Variants in TRHDE observed in about 807,000 individuals in gnomAD.
The protein encoded by TRHDE is thyrotropin releasing hormone degrading enzyme.
A neutral mutation model predicts 125.7 loss-of-function variants in TRHDE; 72 were observed. That is an observed-to-expected ratio of 0.57 (90% CI 0.47 to 0.70). The LOEUF is 0.70. Ranked by LOEUF, TRHDE falls within the 30% of genes least tolerant of loss-of-function variation. The pLI, the probability that TRHDE is intolerant of heterozygous loss-of-function variation, is 0.00. For synonymous variants in TRHDE, 509 were observed against 509.1 expected, an observed-to-expected ratio of 1.00 and a Z score of 0.00; for missense variants, 1,110 against 1,327.1, an observed-to-expected ratio of 0.84 and a Z score of 2.54.
chr12:72,484,861 C>T (rs1242395232), intron 5 of TRHDE, among the ~76,000 whole-genome samples: 1 of 152,116 alleles, frequency 6.6e-6, no homozygotes, highest in Non-Finnish European at 1.5e-5. Context: ...GAAATAACTA[C>T]ATTTTGACCA....
intron 3 of TRHDE, among the ~76,000 whole-genome samples, chr12:72,411,310 A>G (rs188799484): frequency 3.7e-4 from 57 of 152,188 alleles, no homozygotes; most frequent in African/African-American, 1.3e-3. Context: ...AGAATTCAAT[A>G]AGGTGCATAT....
intron 3 of TRHDE, among the ~76,000 whole-genome samples, chr12:72,441,972 A>G (rs1207663020): frequency 1.3e-5 from 2 of 151,852 alleles, no homozygotes; most frequent in Non-Finnish European, 2.9e-5. Context: ...ACACTAAGCA[A>G]AAGGCTGAGT....
At chr12:72,574,994 T>C (rs1435862392) in intron 10 of TRHDE, among the ~76,000 whole-genome samples, 9 of 152,108 alleles carry the variant, frequency 5.9e-5, no homozygotes, top group African/African-American at 2.2e-4. Flanking sequence ...AAGAAAATTA[T>C]GTATAAGTAA....
At chr12:72,133,022 G>A (rs1375575070) in intron 2 of TRHDE, among the ~76,000 whole-genome samples, 2 of 152,156 alleles carry the variant, frequency 1.3e-5, no homozygotes, top group Non-Finnish European at 2.9e-5. Context: ...GTGGAGGCAG[G>A]GGAAGTGGTG....
At chr12:72,183,394 C>T (rs1005209999) in intron 2 of TRHDE, among the ~76,000 whole-genome samples, 3 of 152,144 alleles carry the variant, frequency 2.0e-5, no homozygotes, top group East Asian at 1.9e-4. Flanking sequence ...AATCTTCTCT[C>T]GAACACTAGT....
At chr12:72,484,031 T>A (rs1877296216) in intron 5 of TRHDE, among the ~76,000 whole-genome samples, 1 of 152,106 alleles carries the variant, frequency 6.6e-6, no homozygotes, top group African/African-American at 2.4e-5. Flanking sequence ...TAGCTCATCC[T>A]TGGAATTATT....
intron 2 of TRHDE, among the ~76,000 whole-genome samples, chr12:72,301,970 T>C (rs1400956504): frequency 6.6e-6 from 1 of 152,214 alleles, no homozygotes; most frequent in East Asian, 1.9e-4. Context: ...TCTCCCAGCA[T>C]AGTGCTACAG....
intron 2 of TRHDE, among the ~76,000 whole-genome samples, chr12:72,119,650 A>G (rs1875529742): frequency 1.3e-5 from 2 of 152,202 alleles, no homozygotes; most frequent in African/African-American, 4.8e-5. Context: ...TCTAGCTATT[A>G]TTGTATTGGG....
chr12:72,470,108 T>A (rs553537549), intron 4 of TRHDE, among the ~76,000 whole-genome samples, 196 bp downstream of exon 4: 27 of 152,330 alleles, frequency 1.8e-4, no homozygotes, highest in African/African-American at 5.3e-4. Context: ...CTGATCGTAT[T>A]GAGTAAGCAA....
chr12:72,497,233 C>A (rs1877959240), intron 5 of TRHDE, among the ~76,000 whole-genome samples: 1 of 152,036 alleles, frequency 6.6e-6, no homozygotes, highest in Admixed American at 6.6e-5. Flanking sequence ...CCTCCAGAAG[C>A]ATGAGGCAGT....
chr12:72,467,582 C>G (rs1021942410), intron 3 of TRHDE, among the ~76,000 whole-genome samples: 1 of 152,084 alleles, frequency 6.6e-6, no homozygotes, highest in Non-Finnish European at 1.5e-5. Flanking sequence ...TTTGGGAGGC[C>G]GAGGTGGGTG....
intron 1 of TRHDE, among the ~76,000 whole-genome samples, chr12:72,087,799 G>A (rs1160305173): frequency 3.3e-5 from 5 of 152,072 alleles, no homozygotes; most frequent in Non-Finnish European, 5.9e-5. Flanking sequence ...CAGCAATACT[G>A]GAAGTGCATT....
intron 3 of TRHDE, among the ~76,000 whole-genome samples, chr12:72,414,984 A>G (rs766066479): frequency 1.7e-4 from 26 of 152,106 alleles, no homozygotes; most frequent in Non-Finnish European, 7.4e-5. Flanking sequence ...GAGTTTAGTT[A>G]TATTTATCTG....
chr12:72,660,359 A>T (rs1017448173), intron 18 of TRHDE, among the ~76,000 whole-genome samples: 4 of 152,142 alleles, frequency 2.6e-5, no homozygotes, highest in Non-Finnish European at 5.9e-5. Flanking sequence ...AGGCCTGGAT[A>T]ATATCCAGCC....
chr12:72,139,874 A>C (rs1279652189), intron 2 of TRHDE, among the ~76,000 whole-genome samples: 3 of 152,162 alleles, frequency 2.0e-5, no homozygotes, highest in African/African-American at 7.2e-5. Flanking sequence ...AGGATTCACT[A>C]TTATCTTCCT....
intron 1 of TRHDE, among the ~76,000 whole-genome samples, chr12:72,097,349 A>T: frequency 6.6e-6 from 1 of 151,566 alleles, no homozygotes; most frequent in East Asian, 1.9e-4. Flanking sequence ...TTAGAAACAG[A>T]TGATGTTTCC....
At chr12:72,196,318 C>T (rs1877441576) in intron 2 of TRHDE, among the ~76,000 whole-genome samples, 1 of 152,024 alleles carries the variant, frequency 6.6e-6, no homozygotes, top group Non-Finnish European at 1.5e-5. Flanking sequence ...TTGGGCAATA[C>T]AGCCATTTTA....
In TRHDE at chr12:72,669,062, G is replaced by A. The variant is rs1050830832; in HGVS notation, c.*5867G>A. 2.0e-5 allele frequency: 3 copies of A among 151,696 alleles called. No individual in the cohort carries two copies. The highest frequency in any genetic ancestry group is 2.9e-5 in the Non-Finnish European group (2 of 67,818). The allele number at this position is 151,696 out of a possible 1,614,324, so 9.4% of individuals were successfully genotyped here. On this transcript the variant is annotated 3_prime_UTR_variant, in exon 19 of 19. Transcript: ENST00000261180. ...TCATGAAAACATTTTACATTAGCAT[G>A]TTGTGTAGTGGGTTTTAAGTTATAA...
intron 7 of TRHDE, among the ~76,000 whole-genome samples, chr12:72,549,028 T>C (rs576277283): frequency 3.9e-5 from 6 of 151,992 alleles, no homozygotes; most frequent in African/African-American, 1.2e-4. Flanking sequence ...ACTGCTCTTT[T>C]CCATAAGGTA....
Sources: gnomAD v4.1 joint callset for allele counts (sites outside exome capture counted in the v4.1 genomes callset) on GRCh38, gnomAD v4.1.1 for gene constraint, MANE v1.5 for transcripts, NCBI Gene and HGNC (gene_info 2026-07-23, HGNC 2026-07-21) for gene names.